CAMK2D: variants seen among roughly 807,000 people sequenced by gnomAD.
CAMK2D encodes calcium/calmodulin-dependent protein kinase type II subunit delta.
A neutral mutation model predicts 84.0 loss-of-function variants in CAMK2D; 37 were observed. The ratio of observed to expected loss-of-function variants is 0.44; its 90% CI spans 0.34 to 0.58. The LOEUF (loss-of-function observed/expected upper bound fraction) is 0.58. CAMK2D is among the 20% of genes least tolerant of loss of function. The pLI is 0.02. For missense variants in CAMK2D, 448 were observed against 652.5 expected, an observed-to-expected ratio of 0.69 and a Z score of 3.41; for synonymous variants, 202 against 212.5, an observed-to-expected ratio of 0.95 and a Z score of 0.43.
chr4:113,504,620 A>G (rs1444917275), intron 14 of CAMK2D, among the ~76,000 whole-genome samples: 1 of 152,216 alleles, frequency 6.6e-6, no homozygotes, highest in East Asian at 1.9e-4. Flanking sequence ...CATTGTTTGC[A>G]TAATCTAGAA....
At chr4:113,551,999 G>A (rs751685844) in intron 5 of CAMK2D, 32 bp downstream of exon 5, 1 of 1,064,078 alleles carries the variant, frequency 9.4e-7, no homozygotes, top group South Asian at 1.4e-5. Flanking sequence ...TGAATGTTGA[G>A]TCTTGTATCT....
intron 2 of CAMK2D, among the ~76,000 whole-genome samples, chr4:113,716,382 G>A (rs765803446): frequency 1.8e-4 from 28 of 152,120 alleles, no homozygotes; most frequent in Non-Finnish European, 3.4e-4. Flanking sequence ...GGGCATGGTG[G>A]CTCACACCTG....
intron 4 of CAMK2D, among the ~76,000 whole-genome samples, chr4:113,605,768 A>G (rs2098974369): frequency 6.6e-6 from 1 of 152,170 alleles, no homozygotes; most frequent in Admixed American, 6.5e-5. Context: ...ATGTCGGTGG[A>G]GGCTGTGGGG....
intron 6 of CAMK2D, among the ~76,000 whole-genome samples, chr4:113,539,075 T>G (rs1237454041): frequency 6.6e-6 from 1 of 152,206 alleles, no homozygotes; most frequent in Non-Finnish European, 1.5e-5. Flanking sequence ...TATTTGGAAC[T>G]TTATCAATAT....
chr4:113,457,293 T>A (rs749824658), intron 19 of CAMK2D, 42 bp downstream of exon 19: 3 of 1,610,400 alleles, frequency 1.9e-6, no homozygotes, highest in Non-Finnish European at 2.5e-6. Context: ...GAGCTGACCA[T>A]GGGTGTATTA....
chr4:113,576,636 T>C (rs1214794422), intron 4 of CAMK2D, among the ~76,000 whole-genome samples: 1 of 152,112 alleles, frequency 6.6e-6, no homozygotes, highest in African/African-American at 2.4e-5. Context: ...TTTAACTCAA[T>C]TTAAAATTAA....
At chr4:113,635,081 T>A (rs909501052) in intron 3 of CAMK2D, among the ~76,000 whole-genome samples, 1 of 152,212 alleles carries the variant, frequency 6.6e-6, no homozygotes, top group African/African-American at 2.4e-5. Flanking sequence ...AATATTTATA[T>A]AAAGATATAA....
intron 17 of CAMK2D, among the ~76,000 whole-genome samples, chr4:113,462,300 C>G (rs201785721): frequency 0.18 from 17,932 of 101,116 alleles, 1,419 homozygotes; most frequent in East Asian, 0.34. Flanking sequence ...GTGTGTCTGT[C>G]TGTCTGTCTG....
At chr4:113,705,267 C>T (rs190030895) in intron 2 of CAMK2D, among the ~76,000 whole-genome samples, 2 of 144,576 alleles carry the variant, frequency 1.4e-5, no homozygotes, top group Admixed American at 7.1e-5. Context: ...GCGGAGCTTG[C>T]GGTGAGCTGA....
At chr4:113,539,351 T>A (rs566558075) in intron 6 of CAMK2D, among the ~76,000 whole-genome samples, 1 of 152,190 alleles carries the variant, frequency 6.6e-6, no homozygotes, top group Non-Finnish European at 1.5e-5. Flanking sequence ...CACAGACTCA[T>A]TCAAAAAAAG....
chr4:113,699,949 T>A (rs2099413117), intron 2 of CAMK2D, among the ~76,000 whole-genome samples: 1 of 152,212 alleles, frequency 6.6e-6, no homozygotes, highest in African/African-American at 2.4e-5. Flanking sequence ...ACTTGTTTAT[T>A]TCATTTCAAA....
chr4:113,758,526 A>G (rs4141007), intron 2 of CAMK2D, among the ~76,000 whole-genome samples: 21,037 of 152,102 alleles, frequency 0.14, 1,553 homozygotes, highest in Middle Eastern at 0.18. Flanking sequence ...GTTCATTTTC[A>G]TTTCATTTTT....
At chr4:113,483,750 T>G (rs1443118860) in intron 16 of CAMK2D, among the ~76,000 whole-genome samples, 1 of 151,964 alleles carries the variant, frequency 6.6e-6, no homozygotes, top group Non-Finnish European at 1.5e-5. Flanking sequence ...TTTTAGCCAC[T>G]GCACTCCAGC....
intron 3 of CAMK2D, among the ~76,000 whole-genome samples, chr4:113,641,934 C>T (rs2099133775): frequency 6.6e-6 from 1 of 151,926 alleles, no homozygotes; most frequent in African/African-American, 2.4e-5. Flanking sequence ...CACTTGAACC[C>T]GGGAGGTGGA....
chr4:113,595,607 C>T (rs571802138), intron 4 of CAMK2D, among the ~76,000 whole-genome samples: 100 of 152,168 alleles, frequency 6.6e-4, no homozygotes, highest in Non-Finnish European at 5.9e-4. Context: ...AGTTCCACAC[C>T]ACCACAATAA....
At chr4:113,543,616 AT>A (rs1041531208) in intron 6 of CAMK2D, among the ~76,000 whole-genome samples, 1 of 152,032 alleles carries the variant, frequency 6.6e-6, no homozygotes. Context: ...GTATGCTCAC[AT>A]TTAAAATGAT....
At chr4:113,731,795 A>G (rs1431151761) in intron 2 of CAMK2D, among the ~76,000 whole-genome samples, 8 of 152,140 alleles carry the variant, frequency 5.3e-5, no homozygotes, top group African/African-American at 1.9e-4. Flanking sequence ...CATGTTGGTC[A>G]GGCTGGTCTC....
intron 12 of CAMK2D, among the ~76,000 whole-genome samples, chr4:113,510,145 G>C (rs2098191042): frequency 6.6e-6 from 1 of 152,108 alleles, no homozygotes; most frequent in African/African-American, 2.4e-5. Flanking sequence ...TGTAAAATTT[G>C]CTCTGGCTAA....
rs756549511 is a variant in CAMK2D at position 113,513,323 on chromosome 4, T to G, written c.946+5A>C. On this transcript the variant is annotated splice_donor_5th_base_variant and intron_variant, in intron 12 of 20. Transcript: ENST00000511664. ...GATAAGAAGCAGAGTTCCCAATGCA[T>G]GTACCTGAGAAATTCCTTGTAGCCA... 10 of 1,613,528 alleles carry G rather than the reference T, an allele frequency of 6.2e-6. No individual in the cohort carries two copies. Among genetic ancestry groups the G allele is most frequent in the Admixed American group, 1.7e-5 (1 of 60,018 alleles).
Sources: gnomAD v4.1 joint callset for allele counts (sites outside exome capture counted in the v4.1 genomes callset) on GRCh38, gnomAD v4.1.1 for gene constraint, MANE v1.5 for transcripts, NCBI Gene and HGNC (gene_info 2026-07-23, HGNC 2026-07-21) for gene names.